Variants in EML4 observed in about 807,000 individuals in gnomAD.
The protein encoded by EML4 is EMAP like 4, also known as echinoderm microtubule-associated protein-like 4.
A neutral mutation model predicts 129.0 loss-of-function variants in EML4; 72 were observed. The observed-to-expected ratio is 0.56, with a 90% CI of 0.46 to 0.68. The LOEUF (loss-of-function observed/expected upper bound fraction) is 0.68, where lower values mean the gene tolerates loss of function less well. EML4 is among the 30% of genes least tolerant of loss of function. The pLI is 0.00. For missense variants in EML4, 1,363 were observed against 1,190.6 expected, an observed-to-expected ratio of 1.14 and a Z score of -2.13; for synonymous variants, 532 against 405.0, an observed-to-expected ratio of 1.31 and a Z score of -3.77.
intron 1 of EML4, among the ~76,000 whole-genome samples, chr2:42,233,597 G>A (rs1395225042): frequency 1.3e-5 from 2 of 151,956 alleles, no homozygotes; most frequent in Admixed American, 6.6e-5. Flanking sequence ...TTGAGCCACC[G>A]CACCCAGCCC....
intron 1 of EML4, among the ~76,000 whole-genome samples, chr2:42,182,506 A>G (rs949960702): frequency 2.6e-5 from 4 of 152,114 alleles, no homozygotes; most frequent in Non-Finnish European, 5.9e-5. Flanking sequence ...CCTCTGCCAG[A>G]ATGACCTCCT....
chr2:42,279,166 A>G (rs188865570), intron 6 of EML4, among the ~76,000 whole-genome samples: 8 of 152,264 alleles, frequency 5.3e-5, no homozygotes, highest in African/African-American at 1.4e-4. Context: ...GTGTGTGTAT[A>G]TATATATGTG....
intron 6 of EML4, among the ~76,000 whole-genome samples, chr2:42,267,424 G>C (rs1307662432): frequency 2.6e-5 from 4 of 152,034 alleles, no homozygotes; most frequent in African/African-American, 9.7e-5. Flanking sequence ...GTCATTTTTT[G>C]ACATTCTTTT....
chr2:42,292,035 C>T (rs1478219927), intron 11 of EML4, among the ~76,000 whole-genome samples: 2 of 152,200 alleles, frequency 1.3e-5, no homozygotes, highest in African/African-American at 4.8e-5. Flanking sequence ...CACAGTGCTG[C>T]TGGGCATGTA....
intron 1 of EML4, among the ~76,000 whole-genome samples, chr2:42,194,854 G>C (rs1362435283): frequency 1.3e-5 from 2 of 151,944 alleles, no homozygotes; most frequent in African/African-American, 4.8e-5. Context: ...GTTCCTTAGG[G>C]CTTTGGCTTT....
At chr2:42,278,850 C>G (rs1044000383) in intron 6 of EML4, among the ~76,000 whole-genome samples, 4 of 151,938 alleles carry the variant, frequency 2.6e-5, no homozygotes, top group Non-Finnish European at 5.9e-5. Context: ...GCAGGAGAAT[C>G]ACTTGAACCC....
intron 3 of EML4, 26 bp from the exon 4 acceptor site, chr2:42,261,095 G>A: frequency 6.5e-7 from 1 of 1,531,518 alleles, no homozygotes; most frequent in South Asian, 1.2e-5. Flanking sequence ...AATGTGTATT[G>A]TTCCATGTTA....
chr2:42,283,051 A>C, intron 8 of EML4, 79 bp downstream of exon 8: 10 of 1,278,902 alleles, frequency 7.8e-6, no homozygotes, highest in Non-Finnish European at 1.1e-5. Context: ...GTTTTATTGA[A>C]AGTGATTTCT....
intron 2 of EML4, among the ~76,000 whole-genome samples, chr2:42,246,032 T>C (rs1675382141): frequency 6.6e-6 from 1 of 152,216 alleles, no homozygotes; most frequent in Non-Finnish European, 1.5e-5. Flanking sequence ...GGCACTCATG[T>C]GTTCTTAAAA....
Position 42,261,197 on chromosome 2 carries a change from C to T in EML4, c.415C>T (p.Pro139Ser), listed in dbSNP as rs771646010. ...KEESHSNDQS[P>S]QIRASPSPQP... ...GGAATCTCATTCTAATGATCAAAGT[C>T]CACAAATTCGAGCATCACCTTCTCC... Residue 139 changes from proline to serine, a missense_variant, in exon 4 of 23, where the codon CCA becomes TCA. Transcript: ENST00000318522. 1 of 1,613,824 alleles carries T rather than the reference C, an allele frequency of 6.2e-7. No homozygotes were observed.
chr2:42,305,381 G>A (rs1668535762), intron 17 of EML4, among the ~76,000 whole-genome samples: 1 of 152,160 alleles, frequency 6.6e-6, no homozygotes, highest in South Asian at 2.1e-4. Flanking sequence ...TCATTGAAAA[G>A]GAGTTGCAGA....
chr2:42,192,681 T>C (rs1034605290), intron 1 of EML4, among the ~76,000 whole-genome samples: 8 of 152,178 alleles, frequency 5.3e-5, no homozygotes, highest in African/African-American at 1.9e-4. Flanking sequence ...TGAGCATCAT[T>C]TGTAAACCCC....
chr2:42,200,264 G>A (rs564666434), intron 1 of EML4, among the ~76,000 whole-genome samples: 8 of 152,086 alleles, frequency 5.3e-5, no homozygotes, highest in South Asian at 2.1e-4. Flanking sequence ...GGCGGAGCTT[G>A]CAGTGAGCCG....
At position 42,317,533 on chromosome 2, in the gene EML4, T is replaced by C. The variant is rs376924315; in HGVS notation, c.2154+9T>C. The C allele has an allele frequency of 1.5e-5, 23 of 1,561,988 alleles. No individual in the cohort carries two copies. The African/African-American group carries it at 2.5e-4, about 17-fold the overall frequency. On this transcript the variant is annotated intron_variant, in intron 19 of 22. Coordinates refer to ENST00000318522, the MANE Select transcript of EML4 (RefSeq NM_019063.5). Reference sequence around the variant, plus strand: ...GATATGGAAGGTGCACTGTAAGTAGTGAAGTAGAACAAGTTGTAAAATTAT... The same window carrying C: ...GATATGGAAGGTGCACTGTAAGTAGCGAAGTAGAACAAGTTGTAAAATTAT...
chr2:42,244,020 CCCTGAATTTT>C (rs1257386628), intron 1 of EML4, among the ~76,000 whole-genome samples: 1 of 151,032 alleles, frequency 6.6e-6, no homozygotes, highest in Non-Finnish European at 1.5e-5. Context: ...TTAGTTATTT[CCCTGAATTTT>C]CCTGCTTATA....
chr2:42,210,040 C>G (rs1294922046), intron 1 of EML4, among the ~76,000 whole-genome samples: 1 of 152,098 alleles, frequency 6.6e-6, no homozygotes, highest in East Asian at 1.9e-4. Context: ...TCCACACACA[C>G]CCCCCATTCC....
chr2:42,272,235 C>T (rs1666413104), intron 6 of EML4, among the ~76,000 whole-genome samples: 1 of 152,228 alleles, frequency 6.6e-6, no homozygotes, highest in East Asian at 1.9e-4. Flanking sequence ...TGATCAGTGG[C>T]ATATACCAAG....
At chr2:42,268,129 A>G (rs532578994) in intron 6 of EML4, among the ~76,000 whole-genome samples, 1 of 152,334 alleles carries the variant, frequency 6.6e-6, no homozygotes, top group East Asian at 1.9e-4. Flanking sequence ...CTGGCCTTCC[A>G]TATCTGCGGA....
intron 15 of EML4, 34 bp downstream of exon 15, chr2:42,303,263 T>C (rs1558593102): frequency 6.2e-7 from 1 of 1,613,824 alleles, no homozygotes; most frequent in South Asian, 1.1e-5. Flanking sequence ...TAACTGAATA[T>C]TTTTTATGAT....
Sources: gnomAD v4.1 joint callset for allele counts (sites outside exome capture counted in the v4.1 genomes callset) on GRCh38, gnomAD v4.1.1 for gene constraint, MANE v1.5 for transcripts, NCBI Gene and HGNC (gene_info 2026-07-23, HGNC 2026-07-21) for gene names.